Variants in HMGXB4 observed in about 807,000 individuals in gnomAD.
HMGXB4 encodes the protein HMG domain-containing protein 4.
A neutral mutation model predicts 63.9 loss-of-function variants in HMGXB4; 27 were observed. The observed-to-expected ratio is 0.42, with a 90% CI of 0.31 to 0.58. The LOEUF (loss-of-function observed/expected upper bound fraction) is 0.58, where lower values mean the gene tolerates loss of function less well. Ranked by LOEUF, HMGXB4 falls within the 20% of genes least tolerant of loss-of-function variation. The pLI, the probability that HMGXB4 is intolerant of heterozygous loss-of-function variation, is 0.13. For missense variants in HMGXB4, 624 were observed against 700.7 expected (o/e 0.89, Z 1.24); for synonymous variants, 264 against 265.3 (o/e 0.99, Z 0.05).
In HMGXB4 at chr22:35,264,915, A is replaced by G. The variant is rs760079226; in HGVS notation, c.527A>G (p.Tyr176Cys). ...SHKSKKMKPL[Y>C]VNTETLTLRE... ...AAATCGAAAAAAATGAAACCTCTCT[A>G]TGTGAACACAGAGACACTGACCCTT... The change falls in exon 5 of 11, where the codon TAT becomes TGT. Residue 176 changes from tyrosine to cysteine, a missense_variant. By Grantham distance (194) the Tyr-to-Cys change is radical (BLOSUM62 -2). This residue lies in a region of HMGXB4 where 472 missense variants were observed against 470.6 expected (regional missense o/e 1.00). Transcript: ENST00000216106. 6.2e-6 allele frequency: 10 copies of G among 1,613,978 alleles called. No homozygotes were observed. The highest frequency in any genetic ancestry group is 3.3e-5 in the Admixed American group (2 of 60,002).
At position 35,257,495 on chromosome 22, in the gene HMGXB4, C is replaced by T. The variant is rs1366531709; in HGVS notation, c.-131C>T. 2 of 152,898 alleles carry T rather than the reference C, an allele frequency of 1.3e-5. No individual in the cohort carries two copies. Among genetic ancestry groups the T allele is most frequent in the Non-Finnish European group, 2.9e-5 (2 of 68,230 alleles). The allele number at this position is 152,898 out of a possible 1,614,324, so 9.5% of individuals were successfully genotyped here. A position where few individuals can be genotyped will look rare whatever the true frequency, so the allele number is the denominator to read the frequency against. On this transcript the variant is annotated 5_prime_UTR_variant, in exon 1 of 11. Coordinates refer to ENST00000216106, the MANE Select transcript of HMGXB4 (RefSeq NM_001003681.3). Reference sequence around the variant, plus strand: ...GCTCCCTGGCCGCTCGCGCTTTTCTCTCCTTCTCCAAGATGGCGGCGATCG... The same window carrying T: ...GCTCCCTGGCCGCTCGCGCTTTTCTTTCCTTCTCCAAGATGGCGGCGATCG...
chr22:35,288,515 T>A, intron 9 of HMGXB4, 108 bp downstream of exon 9: 3 of 764,082 alleles, frequency 3.9e-6, no homozygotes, highest in Non-Finnish European at 5.7e-6. Context: ...TACTTTATGC[T>A]AAATTATGCC....
intron 5 of HMGXB4, among the ~76,000 whole-genome samples, chr22:35,272,574 A>G (rs1052952894): frequency 6.6e-6 from 1 of 152,220 alleles, no homozygotes; most frequent in African/African-American, 2.4e-5. Flanking sequence ...TAGGAGGAGC[A>G]GGATACAGTT....
At chr22:35,273,015 A>T (rs1429926447) in intron 5 of HMGXB4, among the ~76,000 whole-genome samples, 2 of 152,188 alleles carry the variant, frequency 1.3e-5, no homozygotes, top group Non-Finnish European at 2.9e-5. Context: ...AAATATGCAC[A>T]TTTTCTCTAA....
At chr22:35,252,516 T>C (rs1397429298), upstream of HMGXB4, among the ~76,000 whole-genome samples, 1 of 152,248 alleles carries the variant, frequency 6.6e-6, no homozygotes, top group Non-Finnish European at 1.5e-5. Context: ...TCTCCTTCCA[T>C]GTTGTCACAG....
chr22:35,265,789 CT>C (rs769959544), intron 5 of HMGXB4, among the ~76,000 whole-genome samples, 186 bp downstream of exon 5: 354 of 139,894 alleles, frequency 2.5e-3, no homozygotes, highest in Admixed American at 2.2e-3. Context: ...TAGAAGCAAT[CT>C]TTTTTTTTTT....
intron 5 of HMGXB4, among the ~76,000 whole-genome samples, chr22:35,282,848 C>CT (rs1234408049): frequency 1.3e-5 from 2 of 152,220 alleles, no homozygotes; most frequent in Non-Finnish European, 2.9e-5. Flanking sequence ...TTGCATGTCT[C>CT]TTTCTAGATA....
At chr22:35,251,098 G>A in the HMGXB4 span, among the ~76,000 whole-genome samples, 2 of 148,536 alleles carry the variant, frequency 1.3e-5, no homozygotes, top group African/African-American at 2.5e-5. Flanking sequence ...TTTTTGAGAC[G>A]GAGTCTTGCT....
chr22:35,285,096 A>G (rs567887697), intron 6 of HMGXB4, among the ~76,000 whole-genome samples: 1 of 152,280 alleles, frequency 6.6e-6, no homozygotes, highest in South Asian at 2.1e-4. Flanking sequence ...TAGGCCTTGT[A>G]TTGTGGGATC....
chr22:35,254,839 C>T (rs1362371830), upstream of HMGXB4, among the ~76,000 whole-genome samples: 2 of 152,206 alleles, frequency 1.3e-5, no homozygotes, highest in African/African-American at 4.8e-5. Context: ...GATCTGACTT[C>T]AGGTCTCCAG....
rs937342678 is a variant in HMGXB4, at chr22:35,278,339, C to T, written c.1216-5623C>T. Among the ~76,000 whole-genome samples, 3 of 152,158 alleles carry T rather than the reference C, an allele frequency of 2.0e-5. No homozygotes were observed. The South Asian group carries it at 6.2e-4, about 32-fold the overall frequency. ...TTCCAAGTGCAGGTTTTTGTGTGGA[C>T]ATCAGTTTTCAACTCCTTTGGGTAA... On this transcript the variant is annotated intron_variant, in intron 5 of 10. Coordinates refer to ENST00000216106, the MANE Select transcript of HMGXB4 (RefSeq NM_001003681.3).
intron 9 of HMGXB4, among the ~76,000 whole-genome samples, chr22:35,291,061 G>A (rs578192714): frequency 3.9e-5 from 6 of 152,212 alleles, no homozygotes; most frequent in South Asian, 2.1e-4. Flanking sequence ...CTAGCAGTTC[G>A]AGACCAGCCT....
intron 9 of HMGXB4, among the ~76,000 whole-genome samples, chr22:35,292,717 TGTTAAGGAGACAGAA>T (rs1397577176): frequency 6.6e-6 from 1 of 152,210 alleles, no homozygotes; most frequent in East Asian, 1.9e-4. Context: ...TTACTGTTCC[TGTTAAGGAGACAGAA>T]GTTAAGGATG....
rs1025894852 is a variant in HMGXB4 at position 35,294,508 on chromosome 22, T to C, written c.*857T>C. 6.6e-6 allele frequency: 1 copy of C among 152,596 alleles called. No individual in the cohort carries two copies. The highest frequency in any genetic ancestry group is 1.9e-4 in the East Asian group (1 of 5,186). The allele number at this position is 152,596 out of a possible 1,614,324, so 9.5% of individuals were successfully genotyped here. A position where few individuals can be genotyped will look rare whatever the true frequency, so the allele number is the denominator to read the frequency against. On this transcript the variant is annotated 3_prime_UTR_variant, in exon 11 of 11. Transcript: ENST00000216106. ...TTGCTCGGTGGTTATGGATAAACTT[T>C]GCCCAGCATGATTTTTGGGTTCATC... is the stretch of plus-strand genomic sequence containing the variant.
At chr22:35,244,290 CT>C in the HMGXB4 span, among the ~76,000 whole-genome samples, 1 of 99,276 alleles carries the variant, frequency 1.0e-5, no homozygotes, top group Non-Finnish European at 1.9e-5. Flanking sequence ...ATTTCTTTTT[CT>C]TTTTTCTTTT....
intron 5 of HMGXB4, among the ~76,000 whole-genome samples, chr22:35,271,433 T>A (rs973568817): frequency 2.0e-5 from 3 of 152,172 alleles, no homozygotes; most frequent in Non-Finnish European, 4.4e-5. Context: ...AATAGCTGGT[T>A]TGGGAGAAGA....
intron 2 of HMGXB4, chr22:35,262,661 C>T: frequency 7.1e-6 from 4 of 565,484 alleles, no homozygotes; most frequent in Non-Finnish European, 1.3e-5. Context: ...TTGGGGTGAT[C>T]CCCTGCAGCA....
At chr22:35,269,453 G>C (rs1006792560) in intron 5 of HMGXB4, among the ~76,000 whole-genome samples, 9 of 152,194 alleles carry the variant, frequency 5.9e-5, no homozygotes, top group Non-Finnish European at 8.8e-5. Flanking sequence ...TCTGCTTGGG[G>C]CAGAATGTAA....
chr22:35,267,557 G>A (rs1390042167), intron 5 of HMGXB4, among the ~76,000 whole-genome samples: 1 of 152,048 alleles, frequency 6.6e-6, no homozygotes, highest in African/African-American at 2.4e-5. Flanking sequence ...AATTCCAGCT[G>A]CCTGCTAAAT....
Sources: gnomAD v4.1 joint callset for allele counts (sites outside exome capture counted in the v4.1 genomes callset) on GRCh38, gnomAD v4.1.1 for gene constraint, gnomAD v4.1.1 regional missense constraint, MANE v1.5 for transcripts, NCBI Gene and HGNC (gene_info 2026-07-23, HGNC 2026-07-21) for gene names.